Variants in RAF1 observed in about 807,000 individuals in gnomAD.
RAF1 encodes Raf-1 proto-oncogene, serine/threonine kinase.
RAF1 carries 27 observed loss-of-function variants against 81.1 expected under a neutral mutation model. The ratio of observed to expected loss-of-function variants is 0.33; its 90% CI spans 0.25 to 0.46. The LOEUF (loss-of-function observed/expected upper bound fraction) is 0.46. RAF1 is among the 20% of genes least tolerant of loss of function. The pLI is 1.00. For synonymous variants in RAF1, 298 were observed against 294.0 expected (o/e 1.01, Z -0.14); for missense variants, 598 against 826.0 (o/e 0.72, Z 3.38).
At chr3:12,604,865 C>A (rs954959822) in intron 6 of RAF1, among the ~76,000 whole-genome samples, 14 of 152,112 alleles carry the variant, frequency 9.2e-5, no homozygotes, top group African/African-American at 3.1e-4. Context: ...CCAACCCCCA[C>A]CAACCAAACT....
At chr3:12,647,750 A>G (rs1304474391) in intron 1 of RAF1, among the ~76,000 whole-genome samples, 1 of 152,200 alleles carries the variant, frequency 6.6e-6, no homozygotes, top group East Asian at 1.9e-4. Context: ...ATGCACTGCA[A>G]GGTGATGTGT....
intron 1 of RAF1, among the ~76,000 whole-genome samples, chr3:12,629,170 CAT>C (rs200552637): frequency 3.9e-4 from 59 of 152,236 alleles, no homozygotes; most frequent in African/African-American, 1.4e-3. Context: ...GTAGAATCCA[CAT>C]GTTAAATATT....
intron 12 of RAF1, 152 bp from the exon 12 acceptor site, chr3:12,591,126 G>C: frequency 1.4e-6 from 1 of 696,540 alleles, no homozygotes; most frequent in Non-Finnish European, 2.4e-6. Context: ...TGGCACGGCT[G>C]ATAACCCGGG....
At chr3:12,649,609 ACAC>A (rs2060459442) in intron 1 of RAF1, among the ~76,000 whole-genome samples, 1 of 151,944 alleles carries the variant, frequency 6.6e-6, no homozygotes, top group Non-Finnish European at 1.5e-5. Flanking sequence ...ACACACACAC[ACAC>A]ACACACACAG....
intron 2 of RAF1, 61 bp from the exon 3 acceptor site, chr3:12,612,123 G>T (rs2059230399): frequency 7.5e-6 from 10 of 1,334,358 alleles, no homozygotes; most frequent in Non-Finnish European, 9.7e-6. Flanking sequence ...GGAAAGGTGG[G>T]CACAGAAATA....
intron 1 of RAF1, among the ~76,000 whole-genome samples, chr3:12,662,196 G>A (rs1324455471): frequency 6.6e-6 from 1 of 150,858 alleles, no homozygotes. Flanking sequence ...TTAGCCATGT[G>A]TGGTGGCACC....
At chr3:12,635,672 A>ATTACT (rs2125513732) in intron 1 of RAF1, among the ~76,000 whole-genome samples, 1 of 139,466 alleles carries the variant, frequency 7.2e-6, no homozygotes, top group Admixed American at 7.5e-5. Flanking sequence ...AGAGAGAGAG[A>ATTACT]TTACTTTATA....
intron 1 of RAF1, among the ~76,000 whole-genome samples, chr3:12,636,388 C>T (rs1372485123): frequency 1.3e-5 from 2 of 149,928 alleles, no homozygotes; most frequent in Non-Finnish European, 1.5e-5. Context: ...GGAAGAATCG[C>T]TTAAGCCCAG....
intron 1 of RAF1, among the ~76,000 whole-genome samples, chr3:12,649,683 C>T (rs773752684): frequency 5.3e-5 from 8 of 151,886 alleles, no homozygotes; most frequent in Non-Finnish European, 1.2e-4. Flanking sequence ...TGCTATTTTG[C>T]CAGAGGATAA....
chr3:12,645,141 T>C (rs1334198713), intron 1 of RAF1, among the ~76,000 whole-genome samples: 5 of 135,476 alleles, frequency 3.7e-5, no homozygotes, highest in Admixed American at 7.4e-5. Flanking sequence ...AGGACAAAAA[T>C]ATCTAAGGTA....
intron 1 of RAF1, among the ~76,000 whole-genome samples, chr3:12,625,146 C>T (rs2059666370): frequency 1.3e-5 from 2 of 152,000 alleles, no homozygotes; most frequent in South Asian, 2.1e-4. Flanking sequence ...TGCAGTGGCG[C>T]AATCTCTGCT....
At chr3:12,591,310 C>T (rs913865287) in intron 12 of RAF1, among the ~76,000 whole-genome samples, 8 of 151,956 alleles carry the variant, frequency 5.3e-5, no homozygotes, top group Admixed American at 1.3e-4. Context: ...TCCTACAAGT[C>T]TAAATAGTGA....
At chr3:12,603,737 T>C (rs1218209430) in intron 7 of RAF1, among the ~76,000 whole-genome samples, 1 of 152,222 alleles carries the variant, frequency 6.6e-6, no homozygotes, top group East Asian at 1.9e-4. Flanking sequence ...ATTAAAGTCC[T>C]AGGACTCCAC....
intron 1 of RAF1, among the ~76,000 whole-genome samples, chr3:12,639,391 G>C (rs1334640518): frequency 6.6e-6 from 1 of 152,144 alleles, no homozygotes; most frequent in Admixed American, 6.6e-5. Context: ...GCAAGAGAAA[G>C]AAATAAAGGG....
Position 12,616,500 on chromosome 3 carries a change from T to C in RAF1, c.207+2015A>G, listed in dbSNP as rs539890180. Among the ~76,000 whole-genome samples, 24 of 152,336 alleles carry C rather than the reference T, an allele frequency of 1.6e-4. No homozygotes were observed. The East Asian group carries it at 4.6e-3, about 29-fold the overall frequency. ...TTATTACTGCTTATTTTGCCAGCCA[T>C]AAAATTTTCATTTTTAGGAAGAGAG... On this transcript the variant is annotated intron_variant, in intron 2 of 17. Transcript: ENST00000442415.
intron 1 of RAF1, among the ~76,000 whole-genome samples, chr3:12,626,849 C>A (rs2059717441): frequency 6.6e-6 from 1 of 151,438 alleles, no homozygotes; most frequent in Non-Finnish European, 1.5e-5. Flanking sequence ...CATGGTGAAA[C>A]CCCATCCCTA....
chr3:12,660,092 T>G (rs2060827697), intron 1 of RAF1, among the ~76,000 whole-genome samples: 1 of 152,214 alleles, frequency 6.6e-6, no homozygotes. Flanking sequence ...AGTATGAACT[T>G]GCTTAATCTT....
In RAF1 at chr3:12,606,609, C is replaced by T. The variant is rs191969217; in HGVS notation, c.582-310G>A. ...AGGCTGGAGTGCAGAGGTGTAATGG[C>T]GGCTCACTGCAACCTCCACCTCCCG... On this transcript the variant is annotated intron_variant, in intron 5 of 17. Transcript: ENST00000442415. Among the ~76,000 whole-genome samples the T allele has an allele frequency of 7.2e-5, 11 of 151,950 alleles. No individual in the cohort carries two copies. The East Asian group carries it at 1.6e-3, about 21-fold the overall frequency.
Position 12,585,268 on chromosome 3 carries a change from A to AT in RAF1, c.1597-16dup. 1 of 1,613,938 alleles carries AT rather than the reference A, an allele frequency of 6.2e-7. No individual in the cohort carries two copies. Among genetic ancestry groups the AT allele is most frequent in the South Asian group, 1.1e-5 (1 of 91,076 alleles). ...ACCTCTGGGGCCTACATGTATCACC[A>AT]TATGACAAAAGTGCATTTATCACCA... is the stretch of plus-strand genomic sequence containing the variant. On this transcript the variant is annotated splice_polypyrimidine_tract_variant and intron_variant, in intron 15 of 17. Coordinates refer to ENST00000442415, the MANE Select transcript of RAF1 (RefSeq NM_001354689.3).
Sources: allele counts gnomAD v4.1 joint callset (sites outside exome capture counted in the v4.1 genomes callset), GRCh38; gene constraint gnomAD v4.1.1; transcripts MANE v1.5; gene names NCBI Gene and HGNC (gene_info 2026-07-23, HGNC 2026-07-21).